Variants in EFCAB6 observed in about 807,000 individuals in gnomAD.
The protein encoded by EFCAB6 is EF-hand calcium-binding domain-containing protein 6.
A neutral mutation model predicts 169.8 loss-of-function variants in EFCAB6; 156 were observed. The observed-to-expected ratio is 0.92, with a 90% CI of 0.81 to 1.05. The LOEUF is 1.05. Ranked by LOEUF, EFCAB6 falls within the 50% of genes least tolerant of loss-of-function variation. The pLI is 0.00. For missense variants in EFCAB6, 1,800 were observed against 1,829.1 expected, an observed-to-expected ratio of 0.98 and a Z score of 0.29; for synonymous variants, 698 against 676.4, an observed-to-expected ratio of 1.03 and a Z score of -0.50.
intron 25 of EFCAB6, among the ~76,000 whole-genome samples, chr22:43,578,080 TCAAACCA>T (rs1322200935): frequency 1.2e-4 from 18 of 152,064 alleles, no homozygotes; most frequent in Admixed American, 9.2e-4. Context: ...CTTCAATTCT[TCAAACCA>T]CCTGGATTTG....
intron 7 of EFCAB6, among the ~76,000 whole-genome samples, chr22:43,733,998 C>G (rs1003234780): frequency 6.6e-6 from 1 of 152,102 alleles, no homozygotes; most frequent in African/African-American, 2.4e-5. Flanking sequence ...TGATCCACCG[C>G]GCCCGGCCAG....
At chr22:43,560,041 C>CTT (rs1467072093) in intron 26 of EFCAB6, among the ~76,000 whole-genome samples, 1 of 152,036 alleles carries the variant, frequency 6.6e-6, no homozygotes, top group Non-Finnish European at 1.5e-5. Flanking sequence ...TAAAAAATGC[C>CTT]TGTATAAACA....
In EFCAB6 at chr22:43,589,660, C is replaced by T. The variant is rs148647825; in HGVS notation, c.3032+414G>A. On this transcript the variant is annotated intron_variant, in intron 24 of 31. Coordinates refer to ENST00000262726, the MANE Select transcript of EFCAB6 (RefSeq NM_022785.4). ...AAAATTGGCCAGGCGTGGTGGTGTA[C>T]ACCTGTAATCCCAGCTACTTGGGAG... is the stretch of plus-strand genomic sequence containing the variant. 2.2e-3 allele frequency among the ~76,000 whole-genome samples: 328 copies of T among 152,148 alleles called. 1 individual carries two copies. The highest frequency in any genetic ancestry group is 7.6e-3 in the African/African-American group (314 of 41,536).
intron 21 of EFCAB6, among the ~76,000 whole-genome samples, chr22:43,615,368 C>A (rs538407172): frequency 1.3e-5 from 2 of 152,188 alleles, no homozygotes; most frequent in South Asian, 2.1e-4. Context: ...GGGTATCCAC[C>A]CTGTAAATGT....
At chr22:43,728,859 G>A (rs1326931448) in intron 8 of EFCAB6, among the ~76,000 whole-genome samples, 1 of 152,178 alleles carries the variant, frequency 6.6e-6, no homozygotes, top group Non-Finnish European at 1.5e-5. Context: ...TCTGTAGGTT[G>A]CCTGTTTACT....
At chr22:43,708,101 A>G (rs949180178) in intron 10 of EFCAB6, among the ~76,000 whole-genome samples, 2 of 151,046 alleles carry the variant, frequency 1.3e-5, no homozygotes, top group African/African-American at 4.8e-5. Context: ...AAAAAAAAAA[A>G]AAAAAAAAGA....
At chr22:43,654,665 C>A (rs926636299) in intron 17 of EFCAB6, among the ~76,000 whole-genome samples, 4 of 152,130 alleles carry the variant, frequency 2.6e-5, no homozygotes, top group Admixed American at 1.3e-4. Context: ...CTCTCACAGC[C>A]AAGGGGAGCC....
At position 43,632,144 on chromosome 22, in the gene EFCAB6, G is replaced by C. The variant is rs1286989076; in HGVS notation, c.2193C>G (p.Cys731Trp). 1 of 1,614,000 alleles carries C rather than the reference G, an allele frequency of 6.2e-7. No homozygotes were observed. Among genetic ancestry groups the C allele is most frequent in the Non-Finnish European group, 8.5e-7 (1 of 1,180,028 alleles). ...VNSHFITAEE[C>W]LKLFPRRLKE... ...TCAGCCTCCTAGGGAAAAGCTTCAG[G>C]CATTCTTCTGCGGTGATAAAGTGGC... The change falls in exon 19 of 32, where the codon TGC becomes TGG. Residue 731 changes from cysteine to tryptophan, a missense_variant. Coordinates refer to ENST00000262726, the MANE Select transcript of EFCAB6 (RefSeq NM_022785.4).
At chr22:43,708,089 T>TAAAAAAAAAAAA (rs137824) in intron 10 of EFCAB6, among the ~76,000 whole-genome samples, 11 of 115,504 alleles carry the variant, frequency 9.5e-5, no homozygotes, top group East Asian at 2.3e-4. Flanking sequence ...TAAAGAAAAC[T>TAAAAAAAAAAAA]AAAAAAAAAA....
chr22:43,556,170 G>A (rs2048694750), intron 26 of EFCAB6, among the ~76,000 whole-genome samples: 1 of 152,134 alleles, frequency 6.6e-6, no homozygotes, highest in Non-Finnish European at 1.5e-5. Context: ...GGGATGAAGC[G>A]AATGGGGCAG....
At chr22:43,755,632 A>G (rs922652925) in intron 6 of EFCAB6, 134 bp downstream of exon 6, 5 of 789,116 alleles carry the variant, frequency 6.3e-6, no homozygotes, top group African/African-American at 1.8e-5. Context: ...CAGAAGATCT[A>G]TTTAGTCAGA....
At chr22:43,583,619 C>A (rs1057154612) in intron 24 of EFCAB6, among the ~76,000 whole-genome samples, 1 of 151,608 alleles carries the variant, frequency 6.6e-6, no homozygotes, top group African/African-American at 2.4e-5. Flanking sequence ...AGCAGCGAGG[C>A]CTTTGGGAGG....
At chr22:43,586,799 C>T (rs60606527) in intron 24 of EFCAB6, among the ~76,000 whole-genome samples, 2 of 152,242 alleles carry the variant, frequency 1.3e-5, no homozygotes, top group African/African-American at 4.8e-5. Context: ...TGCACACTCC[C>T]GAGCCCACTG....
chr22:43,675,777 T>C (rs1450895984), intron 13 of EFCAB6, among the ~76,000 whole-genome samples: 1 of 148,444 alleles, frequency 6.7e-6, no homozygotes, highest in African/African-American at 2.5e-5. Flanking sequence ...TAATGTATGA[T>C]GTAATTATAT....
At chr22:43,577,536 T>G (rs1165046378) in intron 25 of EFCAB6, among the ~76,000 whole-genome samples, 1 of 152,180 alleles carries the variant, frequency 6.6e-6, no homozygotes, top group Non-Finnish European at 1.5e-5. Flanking sequence ...CCACCATAAG[T>G]CCTGAACCTC....
At chr22:43,791,497 C>G (rs1177507927) in intron 2 of EFCAB6, among the ~76,000 whole-genome samples, 1 of 151,980 alleles carries the variant, frequency 6.6e-6, no homozygotes, top group Non-Finnish European at 1.5e-5. Context: ...TTGGGGTCCT[C>G]CAACGTTCAC....
At chr22:43,720,155 A>G (rs1283082583) in intron 8 of EFCAB6, among the ~76,000 whole-genome samples, 1 of 97,866 alleles carries the variant, frequency 1.0e-5, no homozygotes, top group Non-Finnish European at 2.0e-5. Flanking sequence ...TGTCAGTTAT[A>G]CCTCAATAAA....
intron 26 of EFCAB6, among the ~76,000 whole-genome samples, chr22:43,575,432 T>G (rs1209938133): frequency 6.9e-6 from 1 of 145,944 alleles, no homozygotes; most frequent in East Asian, 2.0e-4. Context: ...GGTTTCAAAC[T>G]CCTGACCTCA....
At chr22:43,639,039 C>T (rs2055627439) in intron 17 of EFCAB6, among the ~76,000 whole-genome samples, 1 of 152,132 alleles carries the variant, frequency 6.6e-6, no homozygotes, top group African/African-American at 2.4e-5. Context: ...CCCACCTCGG[C>T]CTCCCAAAGT....
Sources: allele counts gnomAD v4.1 joint callset (sites outside exome capture counted in the v4.1 genomes callset), GRCh38; gene constraint gnomAD v4.1.1; transcripts MANE v1.5; gene names NCBI Gene and HGNC (gene_info 2026-07-23, HGNC 2026-07-21).